MCOLN2: variants seen among roughly 807,000 people sequenced by gnomAD.
MCOLN2 encodes the protein mucolipin-2.
MCOLN2 carries 57 observed loss-of-function variants against 67.5 expected under a neutral mutation model. That is an observed-to-expected ratio of 0.84 (90% confidence interval 0.68 to 1.05). The LOEUF (loss-of-function observed/expected upper bound fraction) is 1.05, where lower values mean the gene tolerates loss of function less well. MCOLN2 is among the 50% of genes least tolerant of loss of function. MCOLN2 has a pLI of 0.00. For synonymous variants in MCOLN2, 246 were observed against 233.3 expected, an observed-to-expected ratio of 1.05 and a Z score of -0.50; for missense variants, 620 against 678.8, an observed-to-expected ratio of 0.91 and a Z score of 0.96.
chr1:84,944,676 G>A (rs1312195751), intron 7 of MCOLN2, among the ~76,000 whole-genome samples: 1 of 152,144 alleles, frequency 6.6e-6, no homozygotes, highest in Non-Finnish European at 1.5e-5. Context: ...TGAAGACATG[G>A]CACATTTAGA....
intron 6 of MCOLN2, among the ~76,000 whole-genome samples, chr1:84,948,471 G>A (rs1332754212): frequency 6.6e-6 from 1 of 151,968 alleles, no homozygotes; most frequent in Non-Finnish European, 1.5e-5. Flanking sequence ...CCATAAAATT[G>A]GAAAAAGCAA....
chr1:84,967,046 A>T (rs1047214639), intron 1 of MCOLN2, among the ~76,000 whole-genome samples: 2 of 152,208 alleles, frequency 1.3e-5, no homozygotes, highest in Admixed American at 6.5e-5. Flanking sequence ...ATATATACAC[A>T]TTGGGACTAT....
intron 7 of MCOLN2, 52 bp downstream of exon 7, chr1:84,946,981 A>G (rs938879560): frequency 1.1e-6 from 1 of 872,992 alleles, no homozygotes; most frequent in Non-Finnish European, 1.9e-6. Context: ...CCACAAAATA[A>G]AGTGTTAAAA....
At chr1:84,942,583 T>C (rs551496253) in intron 7 of MCOLN2, among the ~76,000 whole-genome samples, 24 of 152,212 alleles carry the variant, frequency 1.6e-4, no homozygotes, top group African/African-American at 4.6e-4. Context: ...TCATTAAGTG[T>C]CCATCTTCCC....
At chr1:84,930,584 C>A (rs1307358078) in intron 12 of MCOLN2, among the ~76,000 whole-genome samples, 1 of 152,086 alleles carries the variant, frequency 6.6e-6, no homozygotes, top group Non-Finnish European at 1.5e-5. Flanking sequence ...CCATGCAAAC[C>A]CTGATGCGAG....
At chr1:84,956,638 A>G in intron 3 of MCOLN2, 54 bp from the exon 4 acceptor site, 4 of 1,427,880 alleles carry the variant, frequency 2.8e-6, no homozygotes, top group Non-Finnish European at 3.8e-6. Context: ...AACTTTGATC[A>G]GAGGTTATAG....
At chr1:84,984,016 C>A (rs899240482) in intron 1 of MCOLN2, among the ~76,000 whole-genome samples, 4 of 152,092 alleles carry the variant, frequency 2.6e-5, no homozygotes, top group African/African-American at 9.7e-5. Flanking sequence ...ACTATTTTTT[C>A]ATTTTAGGTA....
intron 4 of MCOLN2, among the ~76,000 whole-genome samples, chr1:84,954,355 T>G (rs1406153315): frequency 6.6e-6 from 1 of 152,162 alleles, no homozygotes; most frequent in Non-Finnish European, 1.5e-5. Flanking sequence ...ATTAGTACAG[T>G]GAGGGAAGTT....
At chr1:84,971,641 C>T (rs1317788090) in intron 1 of MCOLN2, among the ~76,000 whole-genome samples, 1 of 151,992 alleles carries the variant, frequency 6.6e-6, no homozygotes, top group African/African-American at 2.4e-5. Flanking sequence ...AGAGACAACA[C>T]AATATCATAG....
intron 1 of MCOLN2, among the ~76,000 whole-genome samples, chr1:84,979,767 A>G (rs1309430463): frequency 3.3e-5 from 5 of 152,150 alleles, no homozygotes; most frequent in Non-Finnish European, 7.4e-5. Context: ...TCTGGAACAC[A>G]ACAAAGATGC....
chr1:84,937,699 C>T (rs2102809955), intron 11 of MCOLN2, 56 bp downstream of exon 11: 1 of 1,599,568 alleles, frequency 6.3e-7, no homozygotes, highest in Non-Finnish European at 8.5e-7. Context: ...GCTAGAAACC[C>T]ACGTTCAAGG....
intron 11 of MCOLN2, among the ~76,000 whole-genome samples, chr1:84,931,857 C>T (rs1418071550): frequency 1.3e-5 from 2 of 152,104 alleles, no homozygotes; most frequent in Admixed American, 1.3e-4. Context: ...AAGACCCCAT[C>T]TCTACAAAAA....
Position 84,931,380 on chromosome 1 carries a change from A to G in MCOLN2, c.1524T>C (p.Asp508=). 1 of 1,572,360 alleles carries G rather than the reference A, an allele frequency of 6.4e-7. No individual in the cohort carries two copies. The highest frequency in any genetic ancestry group is 8.8e-7 in the Non-Finnish European group (1 of 1,142,792). Residue 508 remains aspartate (D), a synonymous_variant, in exon 12 of 14, where the codon GAT becomes GAC. Transcript: ENST00000370608. The part of the protein sequence containing the change: ...ILSLFIALIT[D]SYDTIKKFQQ... The stretch of plus-strand genomic sequence containing the variant: ...TACTTACCTTAATGGTGTCATAAGA[A>G]TCTGTAATAAGTGCAATAAAAAGAC...
chr1:84,952,514 G>T lies in MCOLN2; in HGVS notation c.582C>A (p.Asp194Glu). The T allele has an allele frequency of 6.2e-7, 1 of 1,610,558 alleles. No individual in the cohort carries two copies. The highest frequency in any genetic ancestry group is 8.5e-7 in the Non-Finnish European group (1 of 1,176,758). The change falls in exon 5 of 14, where the codon GAC becomes GAA. Residue 194 changes from aspartate (D) to glutamate (E), a missense_variant. By Grantham distance (45) the Asp-to-Glu change is conservative. Transcript: ENST00000370608. Reference sequence around the variant, plus strand: ...GAGGCTTCTTGGAGAGGTCCTGAAGGTCTAATTGAACACAATCTAGGGCAA... The same window carrying T: ...GAGGCTTCTTGGAGAGGTCCTGAAGTTCTAATTGAACACAATCTAGGGCAA... The part of the protein sequence containing the change: ...NDVELDCVQL[D>E]LQDLSKKPPD...
intron 11 of MCOLN2, among the ~76,000 whole-genome samples, chr1:84,934,351 C>T (rs1320811805): frequency 3.9e-5 from 6 of 151,990 alleles, no homozygotes; most frequent in South Asian, 2.1e-4. Context: ...TCTGGGCCCA[C>T]GATGAGAACT....
chr1:84,974,752 A>G (rs1649913648), intron 1 of MCOLN2, among the ~76,000 whole-genome samples: 1 of 151,884 alleles, frequency 6.6e-6, no homozygotes, highest in South Asian at 2.1e-4. Context: ...CAGTTCTAAG[A>G]GCTGACTCTT....
chr1:84,995,497 G>A (rs1651098779), intron 1 of MCOLN2, among the ~76,000 whole-genome samples: 1 of 152,142 alleles, frequency 6.6e-6, no homozygotes, highest in Non-Finnish European at 1.5e-5. Flanking sequence ...TAGACCCTAG[G>A]CCTTAAAGAA....
At chr1:84,985,983 G>GCC (rs1650487033) in intron 1 of MCOLN2, among the ~76,000 whole-genome samples, 2 of 152,074 alleles carry the variant, frequency 1.3e-5, no homozygotes, top group Admixed American at 1.3e-4. Context: ...CTGCATAGCT[G>GCC]AAGCAAGACT....
intron 3 of MCOLN2, among the ~76,000 whole-genome samples, chr1:84,957,720 GT>G (rs921098305): frequency 1.3e-5 from 2 of 152,118 alleles, no homozygotes; most frequent in Non-Finnish European, 2.9e-5. Flanking sequence ...TCATCAACAT[GT>G]TTTTTGTGTG....
Sources: allele counts gnomAD v4.1 joint callset (sites outside exome capture counted in the v4.1 genomes callset), GRCh38; gene constraint gnomAD v4.1.1; transcripts MANE v1.5; gene names NCBI Gene and HGNC (gene_info 2026-07-23, HGNC 2026-07-21).